Variants in MAGI2 observed in about 807,000 individuals in gnomAD.
MAGI2 encodes membrane-associated guanylate kinase, WW and PDZ domain-containing protein 2.
In MAGI2, 35 loss-of-function variants were observed where a neutral mutation model predicts 133.3. The ratio of observed to expected loss-of-function variants is 0.26; its 90% CI spans 0.20 to 0.35. The LOEUF (loss-of-function observed/expected upper bound fraction) is 0.35, where lower values mean the gene tolerates loss of function less well. Among genes scored for constraint, MAGI2 ranks in the 10% least tolerant of loss-of-function variants. The probability of loss-of-function intolerance (pLI) is 1.00; values close to 1 mark genes in which losing one functional copy is unlikely to be tolerated. For synonymous variants in MAGI2, 729 were observed against 710.6 expected (o/e 1.03, Z -0.41); for missense variants, 1,636 against 1,863.4 (o/e 0.88, Z 2.25).
At chr7:78,810,867 C>T (rs966629069) in intron 2 of MAGI2, among the ~76,000 whole-genome samples, 72 of 151,936 alleles carry the variant, frequency 4.7e-4, no homozygotes, top group African/African-American at 1.6e-3. Flanking sequence ...TATAGACATG[C>T]TGGTAATAAT....
At chr7:78,475,418 T>G (rs561459357) in intron 6 of MAGI2, among the ~76,000 whole-genome samples, 2 of 151,986 alleles carry the variant, frequency 1.3e-5, no homozygotes. Context: ...AGAGAACATA[T>G]TTTATTAAGT....
chr7:78,345,005 T>A (rs1790753833), intron 8 of MAGI2, among the ~76,000 whole-genome samples: 1 of 152,238 alleles, frequency 6.6e-6, no homozygotes, highest in Admixed American at 6.5e-5. Context: ...AAATTGTATA[T>A]GGTAACTCAG....
intron 1 of MAGI2, chr7:79,414,055 A>T: frequency 6.6e-6 from 1 of 152,148 alleles, no homozygotes; most frequent in East Asian, 1.9e-4. Context: ...AGAGGAGAGA[A>T]TGGCTATCAC....
chr7:78,421,740 G>T lies in MAGI2; in HGVS notation c.1046-52527C>A, dbSNP rs6972803. Among the ~76,000 whole-genome samples the T allele has an allele frequency of 8.5e-3, 1,296 of 152,174 alleles. 15 individuals are homozygous for T. Among genetic ancestry groups the T allele is most frequent in the African/African-American group, 0.03 (1,230 of 41,522 alleles). ...GATTGATTGAGGCTGGGAGATTGAG[G>T]CTGCAGTGGGCCGTGATAGTGCCAC... On this transcript the variant is annotated intron_variant, in intron 6 of 21. Transcript: ENST00000354212.
At chr7:78,942,025 ATTGAAT>A (rs1397291150) in intron 2 of MAGI2, among the ~76,000 whole-genome samples, 2 of 152,166 alleles carry the variant, frequency 1.3e-5, no homozygotes, top group African/African-American at 4.8e-5. Flanking sequence ...TGAAACTAAA[ATTGAAT>A]TTGAAGTTAT....
intron 1 of MAGI2, among the ~76,000 whole-genome samples, chr7:79,107,662 T>A (rs961874528): frequency 6.6e-6 from 1 of 152,228 alleles, no homozygotes; most frequent in Non-Finnish European, 1.5e-5. Context: ...GAAATTCTTA[T>A]GCATACTCCA....
chr7:78,283,985 A>C (rs1209212286), intron 9 of MAGI2, among the ~76,000 whole-genome samples: 1 of 152,122 alleles, frequency 6.6e-6, no homozygotes, highest in East Asian at 1.9e-4. Context: ...TTTTTCACTT[A>C]AGGATAAGCA....
intron 1 of MAGI2, among the ~76,000 whole-genome samples, chr7:79,355,332 C>T (rs1841950797): frequency 6.7e-6 from 1 of 148,910 alleles, no homozygotes; most frequent in African/African-American, 2.5e-5. Flanking sequence ...AACAAACAAA[C>T]AAATAAACAA....
chr7:78,287,504 G>A (rs1397760540), intron 9 of MAGI2, among the ~76,000 whole-genome samples: 1 of 152,162 alleles, frequency 6.6e-6, no homozygotes, highest in Non-Finnish European at 1.5e-5. Flanking sequence ...GTGACACGAG[G>A]TTGGTACTGT....
chr7:78,505,179 G>T (rs546095463), intron 4 of MAGI2, among the ~76,000 whole-genome samples: 43 of 152,122 alleles, frequency 2.8e-4, no homozygotes, highest in African/African-American at 1.0e-3. Flanking sequence ...ATATCATCTT[G>T]CTGTCACTAT....
chr7:79,151,707 G>T (rs1027024484), intron 1 of MAGI2, among the ~76,000 whole-genome samples: 1 of 152,114 alleles, frequency 6.6e-6, no homozygotes, highest in African/African-American at 2.4e-5. Flanking sequence ...ATAACACAGG[G>T]CAGGTAAATT....
chr7:79,019,813 G>A (rs1297656196), intron 1 of MAGI2, among the ~76,000 whole-genome samples: 1 of 152,132 alleles, frequency 6.6e-6, no homozygotes, highest in African/African-American at 2.4e-5. Context: ...CCAAAGTTTT[G>A]GGATTACAGG....
chr7:78,888,950 G>A (rs936682737), intron 2 of MAGI2, among the ~76,000 whole-genome samples: 28 of 151,894 alleles, frequency 1.8e-4, no homozygotes, highest in East Asian at 3.9e-4. Context: ...GAGGAAGTTC[G>A]AACCCATGAC....
chr7:79,123,785 C>CA (rs71095377), intron 1 of MAGI2, among the ~76,000 whole-genome samples: 3,703 of 60,672 alleles, frequency 0.061, 365 homozygotes, highest in African/African-American at 0.19. Context: ...GACTCCATCT[C>CA]AAAAAAAAAA....
chr7:79,069,175 A>T (rs1282536552), intron 1 of MAGI2, among the ~76,000 whole-genome samples: 1 of 152,026 alleles, frequency 6.6e-6, no homozygotes, highest in Admixed American at 6.6e-5. Flanking sequence ...TGTCTCGTTG[A>T]CCTGTCCAGT....
intron 3 of MAGI2, among the ~76,000 whole-genome samples, chr7:78,581,999 G>T (rs1802886165): frequency 6.6e-6 from 1 of 152,134 alleles, no homozygotes; most frequent in Non-Finnish European, 1.5e-5. Context: ...CTGCTTTAGG[G>T]GAAGGTCAGG....
chr7:78,835,395 A>G (rs1791527622), intron 2 of MAGI2, among the ~76,000 whole-genome samples: 1 of 152,214 alleles, frequency 6.6e-6, no homozygotes, highest in Admixed American at 6.5e-5. Flanking sequence ...ATATGTGAAT[A>G]TGATTTGGTT....
intron 9 of MAGI2, among the ~76,000 whole-genome samples, chr7:78,298,124 C>T (rs1312245903): frequency 6.6e-6 from 1 of 152,106 alleles, no homozygotes; most frequent in African/African-American, 2.4e-5. Flanking sequence ...TCAATAGTCT[C>T]AGTATAATCA....
At chr7:78,953,487 A>T (rs1802036788) in intron 2 of MAGI2, among the ~76,000 whole-genome samples, 1 of 152,196 alleles carries the variant, frequency 6.6e-6, no homozygotes, top group African/African-American at 2.4e-5. Context: ...ATATAAAAAT[A>T]AAACAATAAA....
Sources: allele counts gnomAD v4.1 joint callset (sites outside exome capture counted in the v4.1 genomes callset), GRCh38; gene constraint gnomAD v4.1.1; transcripts MANE v1.5; gene names NCBI Gene and HGNC (gene_info 2026-07-23, HGNC 2026-07-21).